Variants in CSMD1 observed in about 807,000 individuals in gnomAD.
The protein encoded by CSMD1 is CUB and Sushi multiple domains 1.
Under a neutral mutation model 417.5 loss-of-function variants are expected in CSMD1, and 213 were observed. The observed-to-expected ratio is 0.51, with a 90% CI of 0.46 to 0.57. The LOEUF (loss-of-function observed/expected upper bound fraction) is 0.57. CSMD1 is among the 20% of genes least tolerant of loss of function. The pLI is 0.00. For synonymous variants in CSMD1, 2,862 were observed against 1,736.8 expected (o/e 1.65, Z -16.11); for missense variants, 6,923 against 4,529.7 (o/e 1.53, Z -15.17).
At chr8:4,518,671 A>C in intron 2 of CSMD1, among the ~76,000 whole-genome samples, 1 of 148,482 alleles carries the variant, frequency 6.7e-6, no homozygotes. Context: ...ATGCTAAATG[A>C]CGAGTTAACG....
intron 2 of CSMD1, among the ~76,000 whole-genome samples, chr8:4,456,021 C>G (rs753477477): frequency 7.5e-6 from 1 of 133,794 alleles, no homozygotes; most frequent in South Asian, 2.5e-4. Flanking sequence ...TTAACACAGT[C>G]CATTCTCCTC....
Position 3,029,509 on chromosome 8 carries a change from G to C in CSMD1, c.7665C>G (p.Val2555=). Residue 2555 remains valine (V), a synonymous_variant, in exon 51 of 70, where the codon GTC becomes GTG. Transcript: ENST00000635120. ...NKGKPPTCKP[V]ACPSIEAQLS... is the part of the protein sequence containing the mutation. ...GCTGAGCTTCAATGCTGGGGCAAGCGACCGCTGGAAGGGAAACGTACATCA... is the reference window on the plus strand; with the variant it reads ...GCTGAGCTTCAATGCTGGGGCAAGCCACCGCTGGAAGGGAAACGTACATCA... The C allele has an allele frequency of 6.3e-7, 1 of 1,591,980 alleles. No individual in the cohort carries two copies. Among genetic ancestry groups the C allele is most frequent in the East Asian group, 2.3e-5 (1 of 44,048 alleles).
intron 1 of CSMD1, among the ~76,000 whole-genome samples, chr8:4,986,810 C>G (rs893193553): frequency 7.2e-5 from 11 of 152,034 alleles, no homozygotes; most frequent in African/African-American, 2.7e-4. Context: ...ATTAATTGCA[C>G]AATTTCATAG....
Position 4,853,718 on chromosome 8 carries a change from C to G in CSMD1, c.85+140614G>C, listed in dbSNP as rs1287369762. Among the ~76,000 whole-genome samples, 5 of 152,290 alleles carry G rather than the reference C, an allele frequency of 3.3e-5. No individual in the cohort carries two copies. The Middle Eastern group carries it at 0.01, about 311-fold the overall frequency. On this transcript the variant is annotated intron_variant, in intron 1 of 69. Coordinates refer to ENST00000635120, the MANE Select transcript of CSMD1 (RefSeq NM_033225.6). ...CCAAACTGAGGAATGGTAGATCTAA[C>G]AGCATCATGCAATCTCGTCATGGAA...
intron 1 of CSMD1, among the ~76,000 whole-genome samples, chr8:4,711,047 T>C (rs1311957669): frequency 1.3e-5 from 2 of 150,580 alleles, no homozygotes; most frequent in East Asian, 3.9e-4. Context: ...CTAAAGAAAA[T>C]AAAATTAGGC....
intron 3 of CSMD1, among the ~76,000 whole-genome samples, chr8:4,304,546 G>C (rs183032938): frequency 1.3e-5 from 2 of 152,122 alleles, no homozygotes; most frequent in South Asian, 4.1e-4. Context: ...CTAGCTCATC[G>C]TGATAATCAA....
At chr8:3,500,964 G>A (rs1031097582) in intron 10 of CSMD1, among the ~76,000 whole-genome samples, 8 of 152,096 alleles carry the variant, frequency 5.3e-5, no homozygotes, top group Admixed American at 2.6e-4. Context: ...GATTCAATAA[G>A]TATATAAATG....
At chr8:3,328,396 A>G (rs755637323) in intron 23 of CSMD1, among the ~76,000 whole-genome samples, 4 of 152,184 alleles carry the variant, frequency 2.6e-5, no homozygotes, top group Non-Finnish European at 2.9e-5. Context: ...TTATCCACCT[A>G]TCAGAATTTG....
intron 2 of CSMD1, among the ~76,000 whole-genome samples, chr8:4,599,648 G>A (rs539367861): frequency 1.3e-5 from 2 of 151,964 alleles, no homozygotes; most frequent in Admixed American, 1.3e-4. Flanking sequence ...TAGACATTTG[G>A]TTATTTGTAG....
chr8:3,982,197 A>G (rs969484173), intron 5 of CSMD1, among the ~76,000 whole-genome samples: 1 of 105,540 alleles, frequency 9.5e-6, no homozygotes, highest in Non-Finnish European at 2.1e-5. Context: ...TAATATTAAT[A>G]AAAAAAATAA....
intron 7 of CSMD1, among the ~76,000 whole-genome samples, chr8:3,683,627 A>G (rs190813013): frequency 4.8e-4 from 73 of 152,326 alleles, no homozygotes; most frequent in Non-Finnish European, 7.9e-4. Flanking sequence ...CGCTGAAAAC[A>G]TGTGCATACT....
chr8:3,102,198 C>G (rs911146227), intron 46 of CSMD1, among the ~76,000 whole-genome samples: 1 of 151,994 alleles, frequency 6.6e-6, no homozygotes, highest in Non-Finnish European at 1.5e-5. Context: ...TGAGCACAAT[C>G]GAATCAATCA....
At chr8:4,217,883 G>C (rs1800777995) in intron 3 of CSMD1, among the ~76,000 whole-genome samples, 1 of 152,118 alleles carries the variant, frequency 6.6e-6, no homozygotes, top group African/African-American at 2.4e-5. Context: ...CATAAGAGGA[G>C]GTGGTTTCAG....
chr8:3,487,991 TAAA>T (rs144877363), intron 11 of CSMD1, among the ~76,000 whole-genome samples: 2 of 149,728 alleles, frequency 1.3e-5, no homozygotes, highest in Non-Finnish European at 3.0e-5. Flanking sequence ...CACAGAAGAC[TAAA>T]AAAAAGACCC....
intron 3 of CSMD1, among the ~76,000 whole-genome samples, chr8:4,093,678 C>A (rs908946866): frequency 6.6e-6 from 1 of 152,024 alleles, no homozygotes; most frequent in South Asian, 2.1e-4. Context: ...AGCAACAGAA[C>A]GGCCGGGTGC....
At chr8:3,685,317 C>A (rs567603846) in intron 7 of CSMD1, among the ~76,000 whole-genome samples, 40 of 152,208 alleles carry the variant, frequency 2.6e-4, no homozygotes, top group African/African-American at 9.1e-4. Flanking sequence ...TGTCTTTCCC[C>A]CTGTAAAAAT....
At chr8:4,209,800 T>C (rs978930247) in intron 3 of CSMD1, among the ~76,000 whole-genome samples, 1 of 152,196 alleles carries the variant, frequency 6.6e-6, no homozygotes, top group Non-Finnish European at 1.5e-5. Context: ...CAGAGGCTGT[T>C]CTACACTCAT....
At chr8:3,466,868 T>C (rs545240977) in intron 12 of CSMD1, among the ~76,000 whole-genome samples, 10 of 152,232 alleles carry the variant, frequency 6.6e-5, no homozygotes, top group Non-Finnish European at 1.5e-4. Flanking sequence ...TCTGGAAATA[T>C]GCATTTTTAG....
chr8:4,349,164 G>C (rs748114421), intron 3 of CSMD1, among the ~76,000 whole-genome samples: 6 of 152,164 alleles, frequency 3.9e-5, no homozygotes, highest in Non-Finnish European at 8.8e-5. Context: ...ATGTGCTTTT[G>C]GTGTAATTTC....
Sources: gnomAD v4.1 joint callset for allele counts (sites outside exome capture counted in the v4.1 genomes callset) on GRCh38, gnomAD v4.1.1 for gene constraint, MANE v1.5 for transcripts, NCBI Gene and HGNC (gene_info 2026-07-23, HGNC 2026-07-21) for gene names.